The following CLDN10 variants were observed in gnomAD, a reference collection of about 807,000 sequenced individuals.
The protein encoded by CLDN10 is claudin 10, also known as claudin-10.
Under a neutral mutation model 22.9 loss-of-function variants are expected in CLDN10, and 15 were observed. The ratio of observed to expected loss-of-function variants is 0.65; its 90% confidence interval spans 0.44 to 1.01. The LOEUF is 1.01. CLDN10 is among the 50% of genes least tolerant of loss of function. CLDN10 has a pLI of 0.00. For synonymous variants in CLDN10, 114 were observed against 111.4 expected (o/e 1.02, Z -0.15); for missense variants, 247 against 287.8 (o/e 0.86, Z 1.03).
chr13:95,542,815 G>A (rs2043472703), intron 1 of CLDN10, among the ~76,000 whole-genome samples: 1 of 151,810 alleles, frequency 6.6e-6, no homozygotes, highest in Non-Finnish European at 1.5e-5. Context: ...TAAAATAATA[G>A]GAATAATAAT....
At chr13:95,560,647 A>C in intron 3 of CLDN10, 184 bp downstream of exon 3, 1 of 593,354 alleles carries the variant, frequency 1.7e-6, no homozygotes, top group South Asian at 2.0e-5. Context: ...GCATTTAATT[A>C]GTTTGCTAGT....
At chr13:95,512,748 C>G (rs2043118105) in intron 1 of CLDN10, among the ~76,000 whole-genome samples, 1 of 152,156 alleles carries the variant, frequency 6.6e-6, no homozygotes, top group African/African-American at 2.4e-5. Context: ...GGCTTACAAC[C>G]CTATAGGCTT....
chr13:95,472,969 G>A (rs2042650520), intron 1 of CLDN10, among the ~76,000 whole-genome samples: 1 of 151,976 alleles, frequency 6.6e-6, no homozygotes, highest in East Asian at 1.9e-4. Flanking sequence ...AGGGAGACTT[G>A]TCAGTACAAA....
upstream of CLDN10, among the ~76,000 whole-genome samples, chr13:95,550,873 C>T (rs943661889): frequency 7.4e-6 from 1 of 134,690 alleles, no homozygotes; most frequent in Non-Finnish European, 1.5e-5. Context: ...CGGGATTTCA[C>T]CGTGTTAGCC....
intron 1 of CLDN10, among the ~76,000 whole-genome samples, chr13:95,510,482 T>C (rs2138559145): frequency 6.6e-6 from 1 of 152,302 alleles, no homozygotes; most frequent in African/African-American, 2.4e-5. Context: ...GACTGTTTGT[T>C]TTCTGTTTTC....
chr13:95,572,767 C>T (rs1325747192), intron 3 of CLDN10, among the ~76,000 whole-genome samples: 1 of 152,142 alleles, frequency 6.6e-6, no homozygotes, highest in Non-Finnish European at 1.5e-5. Context: ...TGAGCCAGGG[C>T]CATGTCCCTC....
intron 1 of CLDN10, among the ~76,000 whole-genome samples, chr13:95,462,559 A>G (rs1317171197): frequency 6.6e-6 from 1 of 152,214 alleles, no homozygotes; most frequent in African/African-American, 2.4e-5. Flanking sequence ...GGTTCCCTTT[A>G]CAAGGGTGGT....
intron 3 of CLDN10, among the ~76,000 whole-genome samples, chr13:95,568,366 A>T (rs899091147): frequency 2.0e-5 from 3 of 152,168 alleles, no homozygotes; most frequent in African/African-American, 7.2e-5. Context: ...TGCTTTTGTT[A>T]TGCTAGCATG....
intron 3 of CLDN10, among the ~76,000 whole-genome samples, chr13:95,565,170 C>T (rs2043768747): frequency 6.6e-6 from 1 of 151,922 alleles, no homozygotes; most frequent in South Asian, 2.1e-4. Flanking sequence ...GTAATGGGTA[C>T]TCCTTAGCAT....
chr13:95,437,911 A>G (rs115265838), intron 1 of CLDN10, among the ~76,000 whole-genome samples: 137 of 152,368 alleles, frequency 9.0e-4, no homozygotes, highest in African/African-American at 3.2e-3. Context: ...TCCTTCAGGT[A>G]TCTTTCAACC....
At chr13:95,540,785 G>T (rs373180614) in intron 1 of CLDN10, among the ~76,000 whole-genome samples, 7 of 152,164 alleles carry the variant, frequency 4.6e-5, no homozygotes, top group African/African-American at 1.7e-4. Context: ...TTTTTTGGGG[G>T]TTGGGGAGAG....
At chr13:95,542,783 G>C (rs1464010568) in intron 1 of CLDN10, among the ~76,000 whole-genome samples, 1 of 152,068 alleles carries the variant, frequency 6.6e-6, no homozygotes, top group African/African-American at 2.4e-5. Flanking sequence ...TTCCAGCCTG[G>C]GCAACAGAGC....
intron 1 of CLDN10, among the ~76,000 whole-genome samples, chr13:95,527,529 A>C (rs2043294936): frequency 6.6e-6 from 1 of 152,052 alleles, no homozygotes; most frequent in Non-Finnish European, 1.5e-5. Flanking sequence ...CAGGAGTTCA[A>C]GACCAGCCTG....
chr13:95,536,130 T>C (rs1326260264), intron 1 of CLDN10, among the ~76,000 whole-genome samples: 1 of 152,056 alleles, frequency 6.6e-6, no homozygotes, highest in East Asian at 1.9e-4. Context: ...AAGAATATGT[T>C]TTAAATGTCT....
intron 1 of CLDN10, among the ~76,000 whole-genome samples, chr13:95,540,817 A>G (rs1336207563): frequency 6.6e-6 from 1 of 152,218 alleles, no homozygotes; most frequent in Non-Finnish European, 1.5e-5. Context: ...TTCCACTGAC[A>G]CTGACGATAC....
chr13:95,489,372 A>G (rs1249706213), intron 1 of CLDN10, among the ~76,000 whole-genome samples: 1 of 151,504 alleles, frequency 6.6e-6, no homozygotes, highest in Non-Finnish European at 1.5e-5. Context: ...CACTGCACCC[A>G]TGCCAACGTC....
At chr13:95,553,107 C>G in intron 1 of CLDN10, 134 bp downstream of exon 1, 2 of 1,245,312 alleles carry the variant, frequency 1.6e-6, no homozygotes, top group Non-Finnish European at 2.2e-6. Context: ...TCTCTCCCAA[C>G]AGGGCCTTAG....
At chr13:95,457,650 C>T (rs968284831) in intron 1 of CLDN10, among the ~76,000 whole-genome samples, 4 of 152,054 alleles carry the variant, frequency 2.6e-5, no homozygotes, top group African/African-American at 7.2e-5. Context: ...TTTTCTGACC[C>T]TCAGTTTCGC....
At chr13:95,559,927 T>TTCCACAC in intron 1 of CLDN10, among the ~76,000 whole-genome samples, 1 of 152,340 alleles carries the variant, frequency 6.6e-6, no homozygotes, top group Non-Finnish European at 1.5e-5. Flanking sequence ...GGATTCCCCA[T>TTCCACAC]AAACCGCACT....
Sources: gnomAD v4.1 joint callset for allele counts (sites outside exome capture counted in the v4.1 genomes callset) on GRCh38, gnomAD v4.1.1 for gene constraint, MANE v1.5 for transcripts, NCBI Gene and HGNC (gene_info 2026-07-23, HGNC 2026-07-21) for gene names.